The following LETMD1 variants were observed in gnomAD, a reference collection of about 807,000 sequenced individuals.
LETMD1 encodes LETM1 domain-containing protein 1.
In LETMD1, 30 loss-of-function variants were observed where a neutral mutation model predicts 43.9. That is an observed-to-expected ratio of 0.68 (90% confidence interval 0.51 to 0.93). LETMD1 has a LOEUF of 0.93. Ranked by LOEUF, LETMD1 falls within the 40% of genes least tolerant of loss-of-function variation. The pLI, the probability that LETMD1 is intolerant of heterozygous loss-of-function variation, is 0.00. For missense variants in LETMD1, 413 were observed against 447.7 expected (o/e 0.92, Z 0.70); for synonymous variants, 176 against 163.1 (o/e 1.08, Z -0.60).
chr12:51,059,447 G>C lies in LETMD1; in HGVS notation c.*16G>C. 1 of 1,611,516 alleles carries C rather than the reference G, an allele frequency of 6.2e-7. No individual in the cohort carries two copies. The highest frequency in any genetic ancestry group is 8.5e-7 in the Non-Finnish European group (1 of 1,177,556). ...AAGGCGCTGAATGAACCATGGAGCG[G>C]ATGGCATTGTCCTGCAGTCGTATAG... On this transcript the variant is annotated 3_prime_UTR_variant, in exon 9 of 9. Transcript: ENST00000262055.
downstream of LETMD1, among the ~76,000 whole-genome samples, chr12:51,060,716 C>G (rs910589592): frequency 1.2e-4 from 18 of 152,064 alleles, no homozygotes; most frequent in African/African-American, 4.1e-4. Context: ...TCCTGGCTAA[C>G]ACGGTGAAAC....
At chr12:51,067,887 T>G in the LETMD1 span, 1 of 1,614,172 alleles carries the variant, frequency 6.2e-7, no homozygotes, top group Non-Finnish European at 8.5e-7. This position sits in a 1 kb window ranked among gnomAD's most constrained non-coding sequence, Gnocchi z 4.1. Flanking sequence ...CTCCACATTT[T>G]CCACATCAAT....
chr12:51,050,117 C>A (rs1280315377), intron 2 of LETMD1, among the ~76,000 whole-genome samples: 1 of 152,090 alleles, frequency 6.6e-6, no homozygotes, highest in Non-Finnish European at 1.5e-5. Flanking sequence ...AATTACTTAT[C>A]CTTAATTTGT....
In LETMD1 at chr12:51,052,122, A is replaced by C; in HGVS notation, c.305A>C (p.Lys102Thr). The C allele has an allele frequency of 2.5e-6, 4 of 1,613,984 alleles. No homozygotes were observed. The highest frequency in any genetic ancestry group is 3.4e-6 in the Non-Finnish European group (4 of 1,179,922). Residue 102 changes from lysine to threonine, a missense_variant, in exon 3 of 9, where the codon AAG (lysine) becomes ACG (threonine). Physicochemically the swap from Lys to Thr is moderately conservative, Grantham distance 78. Coordinates refer to ENST00000262055, the MANE Select transcript of LETMD1 (RefSeq NM_015416.5). Reference protein sequence around the residue: ...GLQMLWADAKKARRIKTNMWK... With the variant: ...GLQMLWADAKTARRIKTNMWK... The stretch of plus-strand genomic sequence containing the variant: ...CAGATGTTATGGGCTGATGCCAAAA[A>C]GGCTAGAAGAATAAAGACAAATATG...
intron 2 of LETMD1, among the ~76,000 whole-genome samples, chr12:51,051,039 T>A (rs1284007142): frequency 6.7e-6 from 1 of 148,514 alleles, no homozygotes; most frequent in African/African-American, 2.5e-5. Context: ...AAGAAAAAAA[T>A]TAGATGCAAG....
At chr12:51,064,857 C>A (rs927979971), downstream of LETMD1, among the ~76,000 whole-genome samples, 2 of 152,188 alleles carry the variant, frequency 1.3e-5, no homozygotes, top group Admixed American at 1.3e-4. Context: ...AGACCACTTG[C>A]ATTTCAATCC....
intron 1 of LETMD1, 146 bp downstream of exon 1, chr12:51,048,624 TCC>T: frequency 9.9e-7 from 1 of 1,008,836 alleles, no homozygotes; most frequent in Non-Finnish European, 1.4e-6. Context: ...CAAACTCCGA[TCC>T]CCACTAGTGA....
chr12:51,048,605 T>C (rs1945018734), intron 1 of LETMD1, 127 bp downstream of exon 1: 1 of 1,256,446 alleles, frequency 8.0e-7, no homozygotes, highest in Non-Finnish European at 1.1e-6. Flanking sequence ...TATTCTTCTG[T>C]TCAGGATTCA....
chr12:51,057,384 A>G (rs1302723053), intron 7 of LETMD1: 1 of 153,058 alleles, frequency 6.5e-6, no homozygotes, highest in African/African-American at 2.4e-5. Context: ...GGCATGAGCC[A>G]CTGCGCCCAG....
rs763453821 is a variant in LETMD1 at position 51,056,363 on chromosome 12, G to A, written c.776G>A (p.Arg259Gln). ...LQALHVKALSRAMLLTSYLPP... is the reference protein window; with the variant it reads ...LQALHVKALSQAMLLTSYLPP... ...GTTGTGTTACAGAAAGCCTTGAGCC[G>A]GGCCATGCTTCTCACATCTTACCTG... The change falls in exon 7 of 9, where the codon CGG (arginine) becomes CAG (glutamine). Residue 259 changes from arginine (R) to glutamine (Q), a missense_variant. Coordinates refer to ENST00000262055, the MANE Select transcript of LETMD1 (RefSeq NM_015416.5). 71 of 1,614,058 alleles carry A rather than the reference G, an allele frequency of 4.4e-5. No individual in the cohort carries two copies. The highest frequency in any genetic ancestry group is 4.0e-4 in the African/African-American group (30 of 74,930).
At chr12:51,049,512 G>C (rs1354550081) in intron 2 of LETMD1, 2 of 224,940 alleles carry the variant, frequency 8.9e-6, no homozygotes, top group African/African-American at 4.5e-5. Context: ...GTATAGACCT[G>C]CCCTGTGATG....
intron 2 of LETMD1, 37 bp from the exon 3 acceptor site, chr12:51,052,055 A>G: frequency 1.3e-6 from 2 of 1,583,120 alleles, no homozygotes; most frequent in Non-Finnish European, 1.7e-6. Flanking sequence ...TTAAACTGGG[A>G]TAACATCACA....
At chr12:51,065,656 C>T in the LETMD1 span, among the ~76,000 whole-genome samples, 4 of 151,918 alleles carry the variant, frequency 2.6e-5, no homozygotes, top group Admixed American at 1.3e-4. Context: ...GATGGGGTCT[C>T]GCTATGTTGC....
chr12:51,049,226 TG>T (rs1945252872), intron 2 of LETMD1, 41 bp downstream of exon 2: 1 of 1,573,270 alleles, frequency 6.4e-7, no homozygotes, highest in Non-Finnish European at 8.7e-7. Context: ...AATCAGCTCT[TG>T]GGCAGGGTCA....
rs1303408505 is a variant in LETMD1 at position 51,055,606 on chromosome 12, A to C, written c.474-229A>C. ...CTTGAGCCTAGGAGGTCGAGGCTGC[A>C]GTGAGCTGTGATCTTGCCACTGTAC... On this transcript the variant is annotated intron_variant, in intron 4 of 8. Coordinates refer to ENST00000262055, the MANE Select transcript of LETMD1 (RefSeq NM_015416.5). 1.0e-5 allele frequency: 4 copies of C among 401,072 alleles called. No individual in the cohort carries two copies. The East Asian group carries it at 1.7e-4, about 17-fold the overall frequency. 24.8% of individuals were successfully genotyped at this position (401,072 alleles called of 1,614,324 possible).
chr12:51,059,726 T>C lies in LETMD1; in HGVS notation c.*295T>C, dbSNP rs998049632. On this transcript the variant is annotated 3_prime_UTR_variant, in exon 9 of 9. Coordinates refer to ENST00000262055, the MANE Select transcript of LETMD1 (RefSeq NM_015416.5). ...AGCAGCCTCTACTGGGCTTTTACTG[T>C]GATGTGTTCAGTTCATGTCCTAGGA... 7 of 408,712 alleles carry C rather than the reference T, an allele frequency of 1.7e-5. No homozygotes were observed. The Admixed American group carries it at 1.8e-4, about 10-fold the overall frequency. 25.3% of individuals were successfully genotyped at this position (408,712 alleles called of 1,614,324 possible). A position where few individuals can be genotyped will look rare whatever the true frequency, so the allele number is the denominator to read the frequency against.
intron 7 of LETMD1, 83 bp downstream of exon 7, chr12:51,056,585 T>G: frequency 7.6e-7 from 1 of 1,308,920 alleles, no homozygotes. Flanking sequence ...CAGGGGCTCC[T>G]TGTCTTGTTT....
upstream of LETMD1, chr12:51,048,299 G>T: frequency 1.9e-6 from 3 of 1,612,280 alleles, no homozygotes; most frequent in Non-Finnish European, 2.5e-6. Flanking sequence ...CGAACGCGAC[G>T]TACGGTTAAC....
In LETMD1 at chr12:51,056,630, C is replaced by T. The variant is rs965232141; in HGVS notation, c.915+128C>T. ...ACCCAGCTTCTTTATTCTCTCACTTCATTTATTTATTTATGATTTATTTTT... is the reference window on the plus strand; with the variant it reads ...ACCCAGCTTCTTTATTCTCTCACTTTATTTATTTATTTATGATTTATTTTT... On this transcript the variant is annotated intron_variant, in intron 7 of 8. Transcript: ENST00000262055. 1.3e-5 allele frequency: 9 copies of T among 713,366 alleles called. No homozygotes were observed. The Admixed American group carries it at 1.9e-4, about 15-fold the overall frequency. The allele number at this position is 713,366 out of a possible 1,614,324, so 44.2% of individuals were successfully genotyped here.
Sources: gnomAD v4.1 joint callset for allele counts (sites outside exome capture counted in the v4.1 genomes callset) on GRCh38, gnomAD v4.1.1 for gene constraint, Gnocchi (gnomAD v3.1) non-coding constraint, MANE v1.5 for transcripts, NCBI Gene and HGNC (gene_info 2026-07-23, HGNC 2026-07-21) for gene names.